The following KIRREL3 variants were observed in gnomAD, a reference collection of about 807,000 sequenced individuals.
KIRREL3 encodes kirre like nephrin family adhesion molecule 3, also known as kin of IRRE-like protein 3.
Under a neutral mutation model 89.7 loss-of-function variants are expected in KIRREL3, and 36 were observed. That is an observed-to-expected ratio of 0.40 (90% CI 0.31 to 0.53). The LOEUF is 0.53. KIRREL3 is among the 20% of genes least tolerant of loss of function. The pLI is 0.49. For missense variants in KIRREL3, 864 were observed against 1,056.6 expected (o/e 0.82, Z 2.53); for synonymous variants, 445 against 441.4 (o/e 1.01, Z -0.10).
At chr11:126,821,351 A>ATATATATATATATATG (rs756545626) in intron 1 of KIRREL3, among the ~76,000 whole-genome samples, 7 of 105,268 alleles carry the variant, frequency 6.6e-5, no homozygotes, top group African/African-American at 2.6e-4. Flanking sequence ...ATATATATAT[A>ATATATATATATATATG]TGTAACTTCC....
rs575221117 is a variant in KIRREL3, at chr11:126,521,981, C to T, written c.284-517G>A. Among the ~76,000 whole-genome samples, 3 of 152,142 alleles carry T rather than the reference C, an allele frequency of 2.0e-5. No individual in the cohort carries two copies. The South Asian group carries it at 6.2e-4, about 32-fold the overall frequency. ...CTGGTCTTGAACTCCTGGACTTAGG[C>T]GGTTCTCCCTCCTCAACCTCCCAAA... is the stretch of plus-strand genomic sequence containing the variant. On this transcript the variant is annotated intron_variant, in intron 3 of 16. Coordinates refer to ENST00000525144, the MANE Select transcript of KIRREL3 (RefSeq NM_032531.4). The surrounding 1 kb of genome is among the most constrained non-coding windows in gnomAD (Gnocchi z 4.1).
In KIRREL3 at chr11:126,830,632, A is replaced by G. The variant is rs2134484292; in HGVS notation, c.55+169823T>C. ...GCTGTTAAGAGCCAGCTAAGCAGGG[A>G]TTGGACAGGCAGGCACTTAGGAAGG... On this transcript the variant is annotated intron_variant, in intron 1 of 16. Coordinates refer to ENST00000525144, the MANE Select transcript of KIRREL3 (RefSeq NM_032531.4). This position sits in a 1 kb window ranked among gnomAD's most constrained non-coding sequence, Gnocchi z 4.9. Among the ~76,000 whole-genome samples the G allele has an allele frequency of 6.6e-6, 1 of 152,276 alleles. No individual in the cohort carries two copies. The highest frequency in any genetic ancestry group is 1.9e-4 in the East Asian group (1 of 5,182).
chr11:126,887,237 G>A (rs1193336145), intron 1 of KIRREL3, among the ~76,000 whole-genome samples: 1 of 152,160 alleles, frequency 6.6e-6, no homozygotes, highest in Non-Finnish European at 1.5e-5. Context: ...CAAAGCTCCT[G>A]ATAATTGCCC....
rs140106402 is a variant in KIRREL3, at chr11:126,647,256, G to C, written c.56-84344C>G. The stretch of plus-strand genomic sequence containing the variant: ...AATCTCCAAGCCCCAGTGCTTGTCT[G>C]CTGGGGTTTCTAGCTGGAAATCAGA... On this transcript the variant is annotated intron_variant, in intron 1 of 16. Transcript: ENST00000525144. This position sits in a 1 kb window ranked among gnomAD's most constrained non-coding sequence, Gnocchi z 4.9. Among the ~76,000 whole-genome samples the C allele has an allele frequency of 5.9e-5, 9 of 152,280 alleles. No homozygotes were observed. Among genetic ancestry groups the C allele is most frequent in the African/African-American group, 2.2e-4 (9 of 41,552 alleles).
Position 126,631,058 on chromosome 11 carries a change from G to A in KIRREL3, c.56-68146C>T, listed in dbSNP as rs760555684. On this transcript the variant is annotated intron_variant, in intron 1 of 16. Transcript: ENST00000525144. ...AAACCAATCTTTCTTCTCATACACA[G>A]TGACACAGTAGCTACTTCGTGTTCC... Among the ~76,000 whole-genome samples, 12 of 152,278 alleles carry A rather than the reference G, an allele frequency of 7.9e-5. No individual in the cohort carries two copies. The South Asian group carries it at 1.0e-3, about 13-fold the overall frequency.
rs1943810235 is a variant in KIRREL3, at chr11:126,837,191, CT to C, written c.55+163263del. Among the ~76,000 whole-genome samples the C allele has an allele frequency of 6.6e-6, 1 of 152,138 alleles. No homozygotes were observed. The highest frequency in any genetic ancestry group is 1.5e-5 in the Non-Finnish European group (1 of 68,038). On this transcript the variant is annotated intron_variant, in intron 1 of 16. Coordinates refer to ENST00000525144, the MANE Select transcript of KIRREL3 (RefSeq NM_032531.4). This position sits in a 1 kb window ranked among gnomAD's most constrained non-coding sequence, Gnocchi z 4.7. ...GGCCTTGGGTAAATGATAACTTCAT[CT>C]AAAATCCAGTTTATTCAACTGTGAA...
chr11:126,963,306 C>T (rs552194772), intron 1 of KIRREL3, among the ~76,000 whole-genome samples: 11 of 73,806 alleles, frequency 1.5e-4, no homozygotes, highest in African/African-American at 5.9e-4. Context: ...AAACAGAACA[C>T]ACATACACAC....
At chr11:126,822,368 C>G (rs1376673132) in intron 1 of KIRREL3, among the ~76,000 whole-genome samples, 1 of 152,118 alleles carries the variant, frequency 6.6e-6, no homozygotes, top group Admixed American at 6.5e-5. Context: ...GGAGAAGGAG[C>G]CTTGGTGAGT....
intron 4 of KIRREL3, among the ~76,000 whole-genome samples, chr11:126,479,057 C>T (rs986898475): frequency 6.6e-6 from 1 of 152,116 alleles, no homozygotes; most frequent in African/African-American, 2.4e-5. Flanking sequence ...TGGGAGAGGG[C>T]GGCAGGCCGA....
rs1236663183 is a variant in KIRREL3 at position 126,423,540 on chromosome 11, G to A, written c.*1040C>T. The A allele has an allele frequency of 2.6e-5, 4 of 152,168 alleles. No homozygotes were observed. The highest frequency in any genetic ancestry group is 9.7e-5 in the African/African-American group (4 of 41,448). 9.4% of individuals were successfully genotyped at this position (152,168 alleles called of 1,614,324 possible). ...TTTATTTCAGGTGGTGACTAGGAGG[G>A]TTGAGGTGTAGATATACTTCCTCTC... On this transcript the variant is annotated 3_prime_UTR_variant, in exon 17 of 17. Coordinates refer to ENST00000525144, the MANE Select transcript of KIRREL3 (RefSeq NM_032531.4).
At chr11:126,659,365 C>T (rs1196020265) in intron 1 of KIRREL3, among the ~76,000 whole-genome samples, 4 of 152,094 alleles carry the variant, frequency 2.6e-5, no homozygotes, top group Admixed American at 2.0e-4. Flanking sequence ...TGAGTAAGCA[C>T]TCAAAAAATA....
chr11:126,802,365 T>C lies in KIRREL3; in HGVS notation c.55+198090A>G, dbSNP rs1010981523. ...GGCCCGTGGAGAAAAGCTTTCGCTA[T>C]ACTGAAGGTCTGTGAATAATGGTGA... is the stretch of plus-strand genomic sequence containing the variant. On this transcript the variant is annotated intron_variant, in intron 1 of 16. Transcript: ENST00000525144. This position sits in a 1 kb window ranked among gnomAD's most constrained non-coding sequence, Gnocchi z 5.2. 5.9e-5 allele frequency among the ~76,000 whole-genome samples: 9 copies of C among 152,190 alleles called. No individual in the cohort carries two copies. Among genetic ancestry groups the C allele is most frequent in the Non-Finnish European group, 1.2e-4 (8 of 68,026 alleles).
chr11:126,439,225 G>A (rs1197727969), intron 11 of KIRREL3, among the ~76,000 whole-genome samples: 1 of 151,860 alleles, frequency 6.6e-6, no homozygotes, highest in East Asian at 1.9e-4. Context: ...CAGTTACTTG[G>A]AAGGTTGAGG....
chr11:126,466,452 G>C (rs1404105707), intron 5 of KIRREL3, among the ~76,000 whole-genome samples: 1 of 152,234 alleles, frequency 6.6e-6, no homozygotes, highest in Non-Finnish European at 1.5e-5. Context: ...ACTGAGGGGA[G>C]GAAGGTGGGA....
At position 126,513,517 on chromosome 11, in the gene KIRREL3, C is replaced by T. The variant is rs979563597; in HGVS notation, c.433+7798G>A. On this transcript the variant is annotated intron_variant, in intron 4 of 16. Coordinates refer to ENST00000525144, the MANE Select transcript of KIRREL3 (RefSeq NM_032531.4). This position sits in a 1 kb window ranked among gnomAD's most constrained non-coding sequence, Gnocchi z 5.9. Reference sequence around the variant, plus strand: ...GAGTTTGCCTCCATCCCTGAGGGATCCTCTCTTCCTCCGGGCCTTGGAAGT... The same window carrying T: ...GAGTTTGCCTCCATCCCTGAGGGATTCTCTCTTCCTCCGGGCCTTGGAAGT... 1.3e-5 allele frequency among the ~76,000 whole-genome samples: 2 copies of T among 152,190 alleles called. No homozygotes were observed. The highest frequency in any genetic ancestry group is 4.8e-5 in the African/African-American group (2 of 41,450).
chr11:126,676,783 G>T lies in KIRREL3; in HGVS notation c.56-113871C>A, dbSNP rs941471256. Among the ~76,000 whole-genome samples, 1 of 150,944 alleles carries T rather than the reference G, an allele frequency of 6.6e-6. No homozygotes were observed. The highest frequency in any genetic ancestry group is 1.5e-5 in the Non-Finnish European group (1 of 67,860). On this transcript the variant is annotated intron_variant, in intron 1 of 16. Transcript: ENST00000525144. The surrounding 1 kb of genome is among the most constrained non-coding windows in gnomAD (Gnocchi z 4.5). ...CAACTTTTTATTTTTCTTTAGAGCTGATTTTTTTTTTTTCCTTTTGAGACA... is the reference window on the plus strand; with the variant it reads ...CAACTTTTTATTTTTCTTTAGAGCTTATTTTTTTTTTTTCCTTTTGAGACA...
rs1278958526 is a variant in KIRREL3, at chr11:126,610,886, C to A, written c.56-47974G>T. On this transcript the variant is annotated intron_variant, in intron 1 of 16. Transcript: ENST00000525144. The surrounding 1 kb of genome is among the most constrained non-coding windows in gnomAD (Gnocchi z 4.6). ...ACAGAAGTCTAAGGTGGAATTTAGA[C>A]CAAGATATTCTTGGCCTTAGCAGTT... 3.3e-5 allele frequency: 5 copies of A among 152,174 alleles called. No homozygotes were observed. Among genetic ancestry groups the A allele is most frequent in the African/African-American group, 1.2e-4 (5 of 41,436 alleles). 9.4% of individuals were successfully genotyped at this position (152,174 alleles called of 1,614,324 possible).
At chr11:126,823,980 C>A (rs1357601324) in intron 1 of KIRREL3, among the ~76,000 whole-genome samples, 8 of 152,168 alleles carry the variant, frequency 5.3e-5, no homozygotes, top group Non-Finnish European at 1.0e-4. Context: ...GATTTGTTAG[C>A]ATCTCTCAAA....
rs1256595823 is a variant in KIRREL3, at chr11:127,000,557, A to G, written c.-48T>C. The G allele has an allele frequency of 6.4e-7, 1 of 1,570,958 alleles. No homozygotes were observed. The highest frequency in any genetic ancestry group is 1.2e-5 in the South Asian group (1 of 85,222). ...CCGGCGGGGTAACTTGGCTGTGGTTAGTTTCTCTTCCTTGGCGGCTCTCGG... is the reference window on the plus strand; with the variant it reads ...CCGGCGGGGTAACTTGGCTGTGGTTGGTTTCTCTTCCTTGGCGGCTCTCGG... On this transcript the variant is annotated 5_prime_UTR_variant, in exon 1 of 17. It removes the in-frame stop codon of an upstream open reading frame in the 5' UTR. Transcript: ENST00000525144. This position sits in a 1 kb window ranked among gnomAD's most constrained non-coding sequence, Gnocchi z 7.1.
Sources: allele counts gnomAD v4.1 joint callset (sites outside exome capture counted in the v4.1 genomes callset), GRCh38; gene constraint gnomAD v4.1.1; non-coding constraint Gnocchi (gnomAD v3.1); transcripts MANE v1.5; gene names NCBI Gene and HGNC (gene_info 2026-07-23, HGNC 2026-07-21).